Variants in RAI1 observed in about 807,000 individuals in gnomAD.
RAI1 encodes the protein retinoic acid induced 1.
RAI1 carries 9 observed loss-of-function variants against 123.8 expected under a neutral mutation model. That is an observed-to-expected ratio of 0.07 (90% CI 0.04 to 0.13). The LOEUF (loss-of-function observed/expected upper bound fraction) is 0.13. RAI1 is among the 10% of genes least tolerant of loss of function. The probability of loss-of-function intolerance (pLI) is 1.00; values close to 1 mark genes in which losing one functional copy is unlikely to be tolerated. For synonymous variants in RAI1, 1,231 were observed against 1,127.3 expected (o/e 1.09, Z -1.84); for missense variants, 2,256 against 2,545.8 (o/e 0.89, Z 2.45).
intron 3 of RAI1, 64 bp downstream of exon 3, chr17:17,798,577 C>T (rs904510761): frequency 3.4e-5 from 54 of 1,583,924 alleles, no homozygotes; most frequent in South Asian, 4.5e-5. Flanking sequence ...GGCAGGCAGT[C>T]GGGGAGCCCC....
chr17:17,742,374 C>CT (rs1198711979), intron 2 of RAI1, among the ~76,000 whole-genome samples: 1 of 152,152 alleles, frequency 6.6e-6, no homozygotes, highest in African/African-American at 2.4e-5. Context: ...CTGCCGAGGC[C>CT]TGAGGTAGCA....
chr17:17,699,813 C>T lies in RAI1; in HGVS notation c.-149+18020C>T, dbSNP rs1337422978. 2.6e-5 allele frequency among the ~76,000 whole-genome samples: 4 copies of T among 152,208 alleles called. No homozygotes were observed. In the East Asian group the frequency reaches 7.7e-4, roughly 29 times the overall value. On this transcript the variant is annotated intron_variant, in intron 1 of 5. Coordinates refer to ENST00000353383, the MANE Select transcript of RAI1 (RefSeq NM_030665.4). ...CCACCAGCTGGTCACGGTCCCATCC[C>T]CCACCACTCCACCCCACCCTGTGCC... is the stretch of plus-strand genomic sequence containing the variant.
chr17:17,808,404 ATTTTATTTTATTATTTTATTTTATT>A (rs1362678030), intron 4 of RAI1, among the ~76,000 whole-genome samples: 28 of 103,134 alleles, frequency 2.7e-4, no homozygotes, highest in Non-Finnish European at 2.4e-4. Flanking sequence ...ATTTTATTTT[ATTTTATTTTATTATTTTATTTTATT>A]TTATTTTATT....
At chr17:17,774,651 G>A (rs868107526) in intron 2 of RAI1, among the ~76,000 whole-genome samples, 8 of 152,230 alleles carry the variant, frequency 5.3e-5, no homozygotes, top group South Asian at 4.1e-4. Context: ...CTGTCTTCCC[G>A]GCCGCACCTC....
chr17:17,774,597 G>A (rs914748555), intron 2 of RAI1, among the ~76,000 whole-genome samples: 3 of 152,266 alleles, frequency 2.0e-5, no homozygotes, highest in Non-Finnish European at 2.9e-5. Flanking sequence ...AGCTGTTCCT[G>A]AGGCTGTGGG....
chr17:17,687,016 C>T (rs892716807), intron 1 of RAI1, among the ~76,000 whole-genome samples: 3 of 152,102 alleles, frequency 2.0e-5, no homozygotes, highest in Admixed American at 1.3e-4. Context: ...TGGAGTCTTG[C>T]TCTGTCGCCC....
At chr17:17,722,336 T>C (rs1915906963) in intron 1 of RAI1, among the ~76,000 whole-genome samples, 1 of 152,124 alleles carries the variant, frequency 6.6e-6, no homozygotes, top group African/African-American at 2.4e-5. Flanking sequence ...AGCTGAGCGC[T>C]CAATCACAGC....
chr17:17,686,362 G>T (rs1914634396), intron 1 of RAI1, among the ~76,000 whole-genome samples: 2 of 152,068 alleles, frequency 1.3e-5, no homozygotes, highest in South Asian at 4.1e-4. Flanking sequence ...TCCCCAGGCT[G>T]CTTCCTGAGG....
At chr17:17,697,145 G>A (rs1456905851) in intron 1 of RAI1, among the ~76,000 whole-genome samples, 2 of 152,206 alleles carry the variant, frequency 1.3e-5, no homozygotes, top group South Asian at 2.1e-4. Context: ...CAAGCCCTGC[G>A]TGAAACAGGC....
At chr17:17,757,792 T>C (rs1812452389) in intron 2 of RAI1, among the ~76,000 whole-genome samples, 3 of 152,188 alleles carry the variant, frequency 2.0e-5, no homozygotes, top group Admixed American at 2.0e-4. Flanking sequence ...GGAGAAGCAG[T>C]AATCCATCAA....
At chr17:17,775,274 G>T (rs1426251876) in intron 2 of RAI1, among the ~76,000 whole-genome samples, 1 of 144,178 alleles carries the variant, frequency 6.9e-6, no homozygotes, top group East Asian at 2.0e-4. Flanking sequence ...CACAATCTCT[G>T]CTCACTGCAG....
intron 1 of RAI1, among the ~76,000 whole-genome samples, chr17:17,723,339 AC>A (rs35272447): frequency 0.021 from 2,814 of 134,694 alleles, 84 homozygotes; most frequent in African/African-American, 0.066. Context: ...TTGTATCCAG[AC>A]CCCCCCCCCC....
At chr17:17,731,082 C>G (rs567145025) in intron 2 of RAI1, among the ~76,000 whole-genome samples, 1 of 152,290 alleles carries the variant, frequency 6.6e-6, no homozygotes, top group Admixed American at 6.5e-5. Flanking sequence ...CTTCTCATAC[C>G]CACCCAGCCC....
At chr17:17,728,305 G>T (rs1916159477) in intron 2 of RAI1, among the ~76,000 whole-genome samples, 1 of 151,994 alleles carries the variant, frequency 6.6e-6, no homozygotes, top group Non-Finnish European at 1.5e-5. Context: ...ACAGGGAGGG[G>T]TGGGGTTGAG....
At chr17:17,804,831 T>C (rs1434382683) in intron 4 of RAI1, among the ~76,000 whole-genome samples, 1 of 150,478 alleles carries the variant, frequency 6.6e-6, no homozygotes, top group Non-Finnish European at 1.5e-5. Flanking sequence ...CTCCTAGTAG[T>C]GTTTTTATTT....
intron 2 of RAI1, among the ~76,000 whole-genome samples, chr17:17,752,260 C>A (rs1156559798): frequency 3.9e-5 from 6 of 152,226 alleles, no homozygotes; most frequent in Non-Finnish European, 7.3e-5. Context: ...CTCGTATTTC[C>A]TGCCTTTTGT....
At chr17:17,755,979 G>A (rs1246144666) in intron 2 of RAI1, among the ~76,000 whole-genome samples, 1 of 152,214 alleles carries the variant, frequency 6.6e-6, no homozygotes, top group African/African-American at 2.4e-5. Flanking sequence ...TCCCCAGTGC[G>A]GCCCTCGGTG....
intron 1 of RAI1, among the ~76,000 whole-genome samples, chr17:17,716,536 G>A (rs1401336552): frequency 3.3e-5 from 5 of 152,206 alleles, no homozygotes; most frequent in Non-Finnish European, 4.4e-5. Context: ...GGTTCTGTAC[G>A]TGTGTGTGTA....
At chr17:17,697,462 C>G (rs1218284183) in intron 1 of RAI1, among the ~76,000 whole-genome samples, 1 of 152,238 alleles carries the variant, frequency 6.6e-6, no homozygotes, top group African/African-American at 2.4e-5. Flanking sequence ...AGCCAACGGC[C>G]CGCTCTAACA....
Sources: allele counts gnomAD v4.1 joint callset (sites outside exome capture counted in the v4.1 genomes callset), GRCh38; gene constraint gnomAD v4.1.1; transcripts MANE v1.5; gene names NCBI Gene and HGNC (gene_info 2026-07-23, HGNC 2026-07-21).